The following GALNT14 variants were observed in gnomAD, a reference collection of about 807,000 sequenced individuals.
The protein encoded by GALNT14 is polypeptide N-acetylgalactosaminyltransferase 14.
GALNT14 carries 60 observed loss-of-function variants against 77.5 expected under a neutral mutation model. That is an observed-to-expected ratio of 0.77 (90% confidence interval 0.63 to 0.96). The LOEUF (loss-of-function observed/expected upper bound fraction) is 0.96. Ranked by LOEUF, GALNT14 falls within the 40% of genes least tolerant of loss-of-function variation. The pLI is 0.00. For synonymous variants in GALNT14, 280 were observed against 281.7 expected (o/e 0.99, Z 0.06); for missense variants, 710 against 731.0 (o/e 0.97, Z 0.33).
chr2:31,095,250 G>A (rs1236914202), intron 1 of GALNT14, among the ~76,000 whole-genome samples: 1 of 152,152 alleles, frequency 6.6e-6, no homozygotes, highest in East Asian at 1.9e-4. Flanking sequence ...GTGACCAGCA[G>A]GATCCCACCC....
the GALNT14 span, among the ~76,000 whole-genome samples, chr2:30,887,421 C>A: frequency 2.0e-5 from 3 of 152,158 alleles, no homozygotes; most frequent in East Asian, 3.9e-4. Context: ...TGATAGCCAT[C>A]CTAGTGCATG....
chr2:31,073,335 A>G (rs761259670), intron 1 of GALNT14, among the ~76,000 whole-genome samples: 1 of 152,238 alleles, frequency 6.6e-6, no homozygotes, highest in Non-Finnish European at 1.5e-5. Flanking sequence ...CATGTTGACT[A>G]TATGCAGATA....
At chr2:31,024,736 C>T (rs1027261778) in intron 1 of GALNT14, among the ~76,000 whole-genome samples, 5 of 152,210 alleles carry the variant, frequency 3.3e-5, no homozygotes, top group African/African-American at 9.7e-5. Context: ...GTATCCCTAA[C>T]ACCCAGTCCA....
intron 1 of GALNT14, among the ~76,000 whole-genome samples, chr2:31,016,980 T>C (rs1399073247): frequency 6.6e-6 from 1 of 152,230 alleles, no homozygotes; most frequent in Non-Finnish European, 1.5e-5. Context: ...ACCGTACACA[T>C]TATTCACTGA....
In GALNT14 at chr2:31,074,392, G is replaced by A. The variant is rs62142968; in HGVS notation, c.129+63566C>T. On this transcript the variant is annotated intron_variant, in intron 1 of 14. Transcript: ENST00000349752. The stretch of plus-strand genomic sequence containing the variant: ...GGCACACAGGGGTTCAACAGCCCCC[G>A]TGCATCTTTGGGGGATTTTTTTTTT... Among the ~76,000 whole-genome samples the A allele has an allele frequency of 3.4e-3, 468 of 137,008 alleles. 1 individual carries two copies. The highest frequency in any genetic ancestry group is 4.1e-3 in the African/African-American group (139 of 34,178). 89.9% of individuals were successfully genotyped at this position (137,008 alleles called of 152,430 possible).
chr2:31,003,638 A>G (rs1185983960), intron 1 of GALNT14, among the ~76,000 whole-genome samples: 1 of 152,066 alleles, frequency 6.6e-6, no homozygotes, highest in Non-Finnish European at 1.5e-5. Flanking sequence ...CTCCCCACCC[A>G]TGTCTCAATT....
At chr2:30,914,358 C>T (rs1013945327) in intron 13 of GALNT14, among the ~76,000 whole-genome samples, 1 of 152,152 alleles carries the variant, frequency 6.6e-6, no homozygotes, top group African/African-American at 2.4e-5. Flanking sequence ...GGAGAAGACA[C>T]CTGCCCCTGA....
chr2:31,129,712 G>A, intron 1 of GALNT14: 1 of 935,356 alleles, frequency 1.1e-6, no homozygotes, highest in Non-Finnish European at 1.3e-6. Context: ...CAGTCTCTAT[G>A]GCTGGGAGGT....
At chr2:31,000,373 T>G (rs1446438911) in intron 1 of GALNT14, among the ~76,000 whole-genome samples, 1 of 152,142 alleles carries the variant, frequency 6.6e-6, no homozygotes, top group Non-Finnish European at 1.5e-5. Context: ...GTTTCCCATT[T>G]GTTTGCAGAT....
chr2:30,888,480 G>T, the GALNT14 span, among the ~76,000 whole-genome samples: 9 of 152,294 alleles, frequency 5.9e-5, no homozygotes, highest in African/African-American at 9.6e-5. Flanking sequence ...ATCAAAAAAG[G>T]GTTAAGAAGA....
intron 1 of GALNT14, among the ~76,000 whole-genome samples, chr2:31,076,580 C>T (rs1336037508): frequency 4.7e-5 from 7 of 149,858 alleles, no homozygotes; most frequent in Admixed American, 1.3e-4. Flanking sequence ...CTATTGCAAA[C>T]GCAAAAGGAG....
At chr2:31,050,170 T>C (rs115262184) in intron 1 of GALNT14, among the ~76,000 whole-genome samples, 147 of 152,282 alleles carry the variant, frequency 9.7e-4, no homozygotes, top group Middle Eastern at 3.4e-3. Context: ...ACTCCTTAAG[T>C]GGAAATCATT....
At chr2:30,926,935 A>G (rs1045917573) in intron 11 of GALNT14, among the ~76,000 whole-genome samples, 1 of 152,144 alleles carries the variant, frequency 6.6e-6, no homozygotes, top group Non-Finnish European at 1.5e-5. Context: ...GAAAAGACAG[A>G]GCATGGATTA....
At chr2:30,942,464 C>T (rs527510067) in intron 8 of GALNT14, among the ~76,000 whole-genome samples, 160 bp from the exon 9 acceptor site, 4 of 152,276 alleles carry the variant, frequency 2.6e-5, no homozygotes, top group East Asian at 1.9e-4. Flanking sequence ...CTGTTCCTCT[C>T]GAGAAGGGCC....
At position 30,932,148 on chromosome 2, in the gene GALNT14, G is replaced by A. The variant is rs1321352954; in HGVS notation, c.978C>T (p.Val326=). The A allele has an allele frequency of 1.2e-5, 19 of 1,568,704 alleles. No individual in the cohort carries two copies. The East Asian group carries it at 4.1e-4, about 34-fold the overall frequency. The change falls in exon 10 of 15, where the codon GTC becomes GTT. Residue 326 remains valine, a synonymous_variant. Transcript: ENST00000349752. ...VWMCGGSLEI[V]PCSRVGHVFR... ...AGACGTGCCCCACTCGGCTGCAGGG[G>A]ACGATCTCTAGGCTGCCCCCGCACA...
intron 3 of GALNT14, among the ~76,000 whole-genome samples, chr2:30,959,933 G>T (rs979827850): frequency 2.0e-5 from 3 of 152,192 alleles, no homozygotes; most frequent in African/African-American, 7.2e-5. Context: ...GCAGGTGGAG[G>T]CGCTGTATGC....
chr2:30,926,216 A>C (rs1017690225), intron 11 of GALNT14, among the ~76,000 whole-genome samples: 2 of 152,204 alleles, frequency 1.3e-5, no homozygotes, highest in African/African-American at 2.4e-5. Context: ...TGCTCAGTGC[A>C]TGATGGTGCA....
intron 1 of GALNT14, among the ~76,000 whole-genome samples, chr2:31,049,298 A>G (rs1347847400): frequency 6.6e-6 from 1 of 152,174 alleles, no homozygotes; most frequent in Non-Finnish European, 1.5e-5. Context: ...AAATGCCCAA[A>G]GCAGGAATGA....
chr2:30,951,584 C>T (rs1203095257), intron 6 of GALNT14, among the ~76,000 whole-genome samples: 1 of 152,158 alleles, frequency 6.6e-6, no homozygotes, highest in Non-Finnish European at 1.5e-5. Flanking sequence ...TTCAATTGCC[C>T]ACTTTCAAAG....
Sources: allele counts gnomAD v4.1 joint callset (sites outside exome capture counted in the v4.1 genomes callset), GRCh38; gene constraint gnomAD v4.1.1; transcripts MANE v1.5; gene names NCBI Gene and HGNC (gene_info 2026-07-23, HGNC 2026-07-21).